Variants in CAND2 observed in about 807,000 individuals in gnomAD.
The protein encoded by CAND2 is cullin-associated NEDD8-dissociated protein 2.
Under a neutral mutation model 98.9 loss-of-function variants are expected in CAND2, and 62 were observed. That is an observed-to-expected ratio of 0.63 (90% CI 0.51 to 0.77). The LOEUF (loss-of-function observed/expected upper bound fraction) is 0.77. Among genes scored for constraint, CAND2 ranks in the 30% least tolerant of loss-of-function variants. The pLI is 0.00. For missense variants in CAND2, 1,501 were observed against 1,655.2 expected (o/e 0.91, Z 1.62); for synonymous variants, 770 against 731.9 (o/e 1.05, Z -0.84).
chr3:12,831,747 G>A (rs1235472175), intron 14 of CAND2, among the ~76,000 whole-genome samples, 175 bp downstream of exon 14: 1 of 152,204 alleles, frequency 6.6e-6, no homozygotes, highest in Non-Finnish European at 1.5e-5. Flanking sequence ...GTATACACAG[G>A]GGAACAGAGG....
chr3:12,815,247 C>G lies in CAND2; in HGVS notation c.1113C>G (p.Pro371=), dbSNP rs752130757. The G allele has an allele frequency of 9.9e-6, 16 of 1,613,760 alleles. No homozygotes were observed. The highest frequency in any genetic ancestry group is 1.4e-5 in the Non-Finnish European group (16 of 1,180,050). The change falls in exon 8 of 15, where the codon CCC becomes CCG. Residue 371 remains proline, a synonymous_variant. Transcript: ENST00000456430. The surrounding 1 kb of genome is among the most constrained non-coding windows in gnomAD (Gnocchi z 5.7). ...ALISSRPDLL[P]DFHCTLAPVL... ...TCAGCTCGCGGCCTGACCTGCTGCC[C>G]GATTTCCACTGCACCCTGGCACCTG...
At chr3:12,813,975 G>A (rs1268656140) in intron 7 of CAND2, among the ~76,000 whole-genome samples, 1 of 152,234 alleles carries the variant, frequency 6.6e-6, no homozygotes, top group African/African-American at 2.4e-5. Flanking sequence ...CGATGGAGAC[G>A]ATGGATTTAG....
At position 12,817,577 on chromosome 3, in the gene CAND2, C is replaced by T. The variant is rs753379232; in HGVS notation, c.2645C>T (p.Ser882Leu). The T allele has an allele frequency of 2.2e-5, 35 of 1,613,914 alleles. No individual in the cohort carries two copies. Among genetic ancestry groups the T allele is most frequent in the Non-Finnish European group, 2.9e-5 (34 of 1,180,024 alleles). ...AGTGAGGATGTGAGGGCTGCAGCCTCGTATGCACTGGGCCGTGTGGGTGCT... is the reference window on the plus strand; with the variant it reads ...AGTGAGGATGTGAGGGCTGCAGCCTTGTATGCACTGGGCCGTGTGGGTGCT... ...SPSEDVRAAASYALGRVGAGS... is the reference protein window; with the variant it reads ...SPSEDVRAAALYALGRVGAGS... Residue 882 changes from serine to leucine, a missense_variant, in exon 10 of 15, where the codon TCG (serine) becomes TTG (leucine). By Grantham distance (145) the Ser-to-Leu change is moderately radical (BLOSUM62 -2). Around this residue, in one of 3 missense-constraint regions of CAND2, gnomAD observed 1,427 missense variants for 1,545.3 expected, o/e 0.92. Coordinates refer to ENST00000456430, the MANE Select transcript of CAND2 (RefSeq NM_001162499.2).
Position 12,827,572 on chromosome 3 carries a change from G to T in CAND2, c.3343G>T (p.Glu1115Ter), listed in dbSNP as rs1340408623. The T allele has an allele frequency of 6.2e-7, 1 of 1,613,680 alleles. No homozygotes were observed. Among genetic ancestry groups the T allele is most frequent in the South Asian group, 1.1e-5 (1 of 91,044 alleles). Reference sequence around the variant, plus strand: ...TATCTGTGAGTTCCTGAACCATGTGGAGGACGGGCTGAAGGACCACTACGA... The same window carrying T: ...TATCTGTGAGTTCCTGAACCATGTGTAGGACGGGCTGAAGGACCACTACGA... ...LDICEFLNHV[E>*]DGLKDHYDIR... The change falls in exon 13 of 15, where the codon GAG becomes TAG. Residue 1115 changes from glutamate to a stop codon, truncating the protein, a stop_gained. Coordinates refer to ENST00000456430, the MANE Select transcript of CAND2 (RefSeq NM_001162499.2). LOFTEE classifies it high-confidence loss of function.
intron 11 of CAND2, among the ~76,000 whole-genome samples, chr3:12,822,874 A>G (rs980806392): frequency 6.6e-6 from 1 of 152,168 alleles, no homozygotes; most frequent in Non-Finnish European, 1.5e-5. Context: ...ATGTGCTTCC[A>G]GATGCACACC....
intron 1 of CAND2, among the ~76,000 whole-genome samples, chr3:12,801,175 T>A (rs1350185985): frequency 6.6e-6 from 1 of 151,836 alleles, no homozygotes. Flanking sequence ...GTAGCTAGGA[T>A]TACAGGTGTC....
At chr3:12,799,173 A>G (rs745746526) in intron 1 of CAND2, among the ~76,000 whole-genome samples, 6 of 152,202 alleles carry the variant, frequency 3.9e-5, no homozygotes, top group Non-Finnish European at 7.3e-5. Flanking sequence ...TACCGTAGGC[A>G]GTTTGTGCAG....
chr3:12,822,863 C>G (rs1391549835), intron 11 of CAND2, among the ~76,000 whole-genome samples: 1 of 152,168 alleles, frequency 6.6e-6, no homozygotes, highest in Admixed American at 6.6e-5. Context: ...TACGTGTATA[C>G]ATGTGCTTCC....
Position 12,834,009 on chromosome 3 carries a change from G to T in CAND2, c.*27G>T. ...CCCCTCAGCACCAAGGTGGGCCCTCGCTTAAGAGAAAGGAGCCCACCCAAG... is the reference window on the plus strand; with the variant it reads ...CCCCTCAGCACCAAGGTGGGCCCTCTCTTAAGAGAAAGGAGCCCACCCAAG... On this transcript the variant is annotated 3_prime_UTR_variant, in exon 15 of 15. Transcript: ENST00000456430. 6.3e-7 allele frequency: 1 copy of T among 1,595,402 alleles called. No individual in the cohort carries two copies.
rs2062081437 is a variant in CAND2 at position 12,834,295 on chromosome 3, G to A, written c.*313G>A. 1 of 344,778 alleles carries A rather than the reference G, an allele frequency of 2.9e-6. No individual in the cohort carries two copies. Among genetic ancestry groups the A allele is most frequent in the African/African-American group, 2.0e-5 (1 of 49,390 alleles). The allele number at this position is 344,778 out of a possible 1,614,324, so 21.4% of individuals were successfully genotyped here. ...ATAGTCTGTCTGGTTCCTTCAGAGGGTGTCTCTGCCTCACAAACTAGTAGT... is the reference window on the plus strand; with the variant it reads ...ATAGTCTGTCTGGTTCCTTCAGAGGATGTCTCTGCCTCACAAACTAGTAGT... On this transcript the variant is annotated 3_prime_UTR_variant, in exon 15 of 15. Coordinates refer to ENST00000456430, the MANE Select transcript of CAND2 (RefSeq NM_001162499.2).
chr3:12,822,459 G>C (rs2061964110), intron 11 of CAND2, among the ~76,000 whole-genome samples: 1 of 151,902 alleles, frequency 6.6e-6, no homozygotes, highest in Non-Finnish European at 1.5e-5. Context: ...ACCACACCTG[G>C]CTACTTTTTA....
Position 12,807,336 on chromosome 3 carries a change from G to C in CAND2, c.243G>C (p.Glu81Asp). Residue 81 changes from glutamate (E) to aspartate (D), a missense_variant, in exon 3 of 15, where the codon GAG becomes GAC. This residue lies in a region of CAND2 where 12 missense variants were observed against 32.6 expected (regional missense o/e 0.37). Transcript: ENST00000456430. ...CLGPLVVKVK[E>D]YQVETIVDTL... ...GTCCTCTGGTGGTCAAAGTGAAGGAGTACCAGGTGGAGACCATTGTGGACA... is the reference window on the plus strand; with the variant it reads ...GTCCTCTGGTGGTCAAAGTGAAGGACTACCAGGTGGAGACCATTGTGGACA... 1 of 1,551,596 alleles carries C rather than the reference G, an allele frequency of 6.4e-7. No individual in the cohort carries two copies. The highest frequency in any genetic ancestry group is 8.7e-7 in the Non-Finnish European group (1 of 1,146,920).
In CAND2 at chr3:12,831,470, G is replaced by C; in HGVS notation, c.3381G>C (p.Leu1127=). The C allele has an allele frequency of 1.2e-6, 2 of 1,613,826 alleles. No individual in the cohort carries two copies. The highest frequency in any genetic ancestry group is 1.7e-6 in the Non-Finnish European group (2 of 1,179,822). ...GLKDHYDIRM[L]TFIMVARLAT... is the part of the protein sequence containing the mutation. ...CATCTCCTTCCTCTGGGCAGATGCTGACCTTCATCATGGTTGCCCGGCTGG... is the reference window on the plus strand; with the variant it reads ...CATCTCCTTCCTCTGGGCAGATGCTCACCTTCATCATGGTTGCCCGGCTGG... The change falls in exon 14 of 15, where the codon CTG becomes CTC. Residue 1127 remains leucine, a synonymous_variant. Coordinates refer to ENST00000456430, the MANE Select transcript of CAND2 (RefSeq NM_001162499.2).
intron 9 of CAND2, 74 bp downstream of exon 9, chr3:12,816,082 C>G: frequency 6.9e-7 from 1 of 1,452,072 alleles, no homozygotes; most frequent in Non-Finnish European, 9.5e-7. Context: ...CTGAGTTGAG[C>G]CCCCAGTTCC....
chr3:12,809,949 AGTT>A, intron 4 of CAND2, 107 bp from the exon 5 acceptor site: 2 of 1,232,394 alleles, frequency 1.6e-6, no homozygotes, highest in East Asian at 6.2e-5. Flanking sequence ...AGGGCCATTG[AGTT>A]GCCATAATCC....
chr3:12,811,352 A>G (rs2061850467), intron 5 of CAND2, among the ~76,000 whole-genome samples: 1 of 152,118 alleles, frequency 6.6e-6, no homozygotes, highest in Non-Finnish European at 1.5e-5. Context: ...CTTATGCTGT[A>G]GGGAAGGGTA....
intron 12 of CAND2, 111 bp downstream of exon 12, chr3:12,825,750 T>A (rs932760875): frequency 8.4e-7 from 1 of 1,189,672 alleles, no homozygotes; most frequent in Non-Finnish European, 1.2e-6. Flanking sequence ...CCACATGGCC[T>A]GGGTCAAGTC....
In CAND2 at chr3:12,827,587, G is replaced by A. The variant is rs777671212; in HGVS notation, c.3358G>A (p.Asp1120Asn). 35 of 1,612,024 alleles carry A rather than the reference G, an allele frequency of 2.2e-5. No homozygotes were observed. Among genetic ancestry groups the A allele is most frequent in the African/African-American group, 2.7e-5 (2 of 75,000 alleles). Residue 1120 changes from aspartate to asparagine, a missense_variant, in exon 13 of 15, where the codon GAC (aspartate) becomes AAC (asparagine). Asp to Asn is a conservative substitution (Grantham distance 23). This residue lies in a region of CAND2 where 1,427 missense variants were observed against 1,545.3 expected (regional missense o/e 0.92). Transcript: ENST00000456430. Reference sequence around the variant, plus strand: ...GAACCATGTGGAGGACGGGCTGAAGGACCACTACGACATCCGGGTAAGACC... The same window carrying A: ...GAACCATGTGGAGGACGGGCTGAAGAACCACTACGACATCCGGGTAAGACC... ...FLNHVEDGLK[D>N]HYDIRMLTFI...
At chr3:12,811,774 G>A (rs912790524) in intron 5 of CAND2, among the ~76,000 whole-genome samples, 1 of 152,168 alleles carries the variant, frequency 6.6e-6, no homozygotes, top group Admixed American at 6.5e-5. Context: ...GTTTAACTAT[G>A]TTGGTTGGCC....
Sources: gnomAD v4.1 joint callset for allele counts (sites outside exome capture counted in the v4.1 genomes callset) on GRCh38, gnomAD v4.1.1 for gene constraint, gnomAD v4.1.1 regional missense constraint, Gnocchi (gnomAD v3.1) non-coding constraint, MANE v1.5 for transcripts, NCBI Gene and HGNC (gene_info 2026-07-23, HGNC 2026-07-21) for gene names.